NID1: variants seen among roughly 807,000 people sequenced by gnomAD.
NID1 encodes nidogen-1.
NID1 carries 76 observed loss-of-function variants against 130.6 expected under a neutral mutation model. That is an observed-to-expected ratio of 0.58 (90% CI 0.48 to 0.70). The LOEUF is 0.70. Ranked by LOEUF, NID1 falls within the 30% of genes least tolerant of loss-of-function variation. The pLI, the probability that NID1 is intolerant of heterozygous loss-of-function variation, is 0.00. For missense variants in NID1, 1,517 were observed against 1,664.8 expected, an observed-to-expected ratio of 0.91 and a Z score of 1.54; for synonymous variants, 665 against 675.1, an observed-to-expected ratio of 0.98 and a Z score of 0.23.
intron 4 of NID1, among the ~76,000 whole-genome samples, chr1:236,038,524 A>G (rs1659329791): frequency 6.6e-6 from 1 of 152,024 alleles, no homozygotes; most frequent in Admixed American, 6.6e-5. Context: ...ATTATTGAAA[A>G]CTGCTAGAAT....
intron 1 of NID1, among the ~76,000 whole-genome samples, chr1:236,056,459 G>A (rs768887594): frequency 2.3e-4 from 35 of 152,228 alleles, no homozygotes; most frequent in South Asian, 8.3e-4. Flanking sequence ...GAAATTCACC[G>A]TCTCAAACAT....
intron 7 of NID1, among the ~76,000 whole-genome samples, chr1:236,026,930 G>A (rs930406315): frequency 2.6e-5 from 4 of 151,746 alleles, no homozygotes; most frequent in Admixed American, 6.6e-5. Context: ...TAGTAGAGAC[G>A]GGGTTTCACC....
intron 1 of NID1, 135 bp downstream of exon 1, chr1:236,064,720 T>C (rs1253005612): frequency 1.4e-6 from 1 of 730,414 alleles, no homozygotes; most frequent in Non-Finnish European, 2.2e-6. Context: ...CGGGAGACCC[T>C]GCGCCGTGCC....
intron 9 of NID1, among the ~76,000 whole-genome samples, chr1:236,017,657 T>A (rs1042330557): frequency 2.6e-5 from 4 of 152,246 alleles, no homozygotes; most frequent in African/African-American, 9.6e-5. Context: ...GTGCTGGGAT[T>A]ACAGGCGTGA....
chr1:235,979,936 C>T lies in NID1; in HGVS notation c.3395G>A (p.Arg1132Gln), dbSNP rs944090942. 16 of 1,613,852 alleles carry T rather than the reference C, an allele frequency of 9.9e-6. No homozygotes were observed. The highest frequency in any genetic ancestry group is 3.3e-5 in the Admixed American group (2 of 59,996). Residue 1132 changes from arginine (R) to glutamine (Q), a missense_variant, in exon 18 of 20, where the codon CGG becomes CAG. By Grantham distance (43) the Arg-to-Gln change is conservative. Around this residue, in one of 3 missense-constraint regions of NID1, gnomAD observed 181 missense variants for 211.3 expected, o/e 0.86. Transcript: ENST00000264187. This position sits in a 1 kb window ranked among gnomAD's most constrained non-coding sequence, Gnocchi z 4.6. ...CTGACTGGGGTTCAGGCATTCCGCC[C>T]GATTGGTGCCTGTGTGGAGTGGAAA... ...QLCWVDAGTN[R>Q]AECLNPSQPS...
chr1:236,038,716 GTTATATAGGT>G (rs1558443246), intron 4 of NID1, among the ~76,000 whole-genome samples: 3,017 of 123,650 alleles, frequency 0.024, 214 homozygotes, highest in South Asian at 0.034. Context: ...TATTACCTAT[GTTATATAGGT>G]CATATATAAT....
chr1:236,021,816 C>A (rs2102823372), intron 9 of NID1, among the ~76,000 whole-genome samples: 1 of 152,326 alleles, frequency 6.6e-6, no homozygotes, highest in South Asian at 2.1e-4. Flanking sequence ...AGTGGACTGA[C>A]TTCCCCTTGG....
At chr1:235,982,653 C>T (rs773739573) in intron 15 of NID1, among the ~76,000 whole-genome samples, 2 of 152,066 alleles carry the variant, frequency 1.3e-5, no homozygotes, top group Non-Finnish European at 2.9e-5. Flanking sequence ...ACCCATCTAA[C>T]TTTACTGGAA....
chr1:236,001,106 ATTTTT>A (rs11352607), intron 12 of NID1, among the ~76,000 whole-genome samples: 1 of 135,150 alleles, frequency 7.4e-6, no homozygotes, highest in Non-Finnish European at 1.6e-5. Context: ...TGGCTTTGAG[ATTTTT>A]TTTTTTTTTT....
At chr1:236,018,368 C>A (rs532419689) in intron 9 of NID1, among the ~76,000 whole-genome samples, 1 of 152,168 alleles carries the variant, frequency 6.6e-6, no homozygotes, top group Non-Finnish European at 1.5e-5. Flanking sequence ...AGAGAAGCAC[C>A]CAACAATGTT....
At chr1:235,984,851 ATGAGGAATTTCCTCAAT>A in intron 15 of NID1, among the ~76,000 whole-genome samples, 2 of 152,254 alleles carry the variant, frequency 1.3e-5, no homozygotes, top group African/African-American at 4.8e-5. Context: ...GGCATCCTTA[ATGAGGAATTTCCTCAAT>A]TGAGGAATTG....
At chr1:236,028,352 A>AT (rs1658997339) in intron 7 of NID1, among the ~76,000 whole-genome samples, 1 of 152,190 alleles carries the variant, frequency 6.6e-6, no homozygotes, top group Non-Finnish European at 1.5e-5. Flanking sequence ...CTGTACAAAA[A>AT]TTTAAAAATT....
chr1:236,036,698 C>A (rs1659272763), intron 5 of NID1, among the ~76,000 whole-genome samples: 1 of 152,140 alleles, frequency 6.6e-6, no homozygotes, highest in Non-Finnish European at 1.5e-5. Flanking sequence ...TTAATGCAGT[C>A]ATGGATTAAT....
chr1:236,050,947 G>A (rs1425406721), intron 1 of NID1, among the ~76,000 whole-genome samples: 1 of 152,074 alleles, frequency 6.6e-6, no homozygotes, highest in East Asian at 1.9e-4. Flanking sequence ...GCTGGGCATG[G>A]TGGCAAGTGC....
chr1:235,980,384 TG>T, intron 17 of NID1, 111 bp downstream of exon 17: 1 of 1,065,306 alleles, frequency 9.4e-7, no homozygotes, highest in Non-Finnish European at 1.4e-6. Context: ...TCATAGCTTC[TG>T]GGTTATATAA....
At chr1:236,016,900 A>G (rs1032662828) in intron 10 of NID1, among the ~76,000 whole-genome samples, 15 of 152,218 alleles carry the variant, frequency 9.9e-5, no homozygotes, top group African/African-American at 3.6e-4. Context: ...AGGCAAATGT[A>G]ATGCAAAAGC....
chr1:236,025,976 A>G lies in NID1; in HGVS notation c.1904T>C (p.Val635Ala). The G allele has an allele frequency of 1.9e-6, 3 of 1,613,916 alleles. No homozygotes were observed. The highest frequency in any genetic ancestry group is 2.5e-6 in the Non-Finnish European group (3 of 1,179,988). The change falls in exon 8 of 20, where the codon GTG (valine) becomes GCG (alanine). Residue 635 changes from valine to alanine, a missense_variant. Coordinates refer to ENST00000264187, the MANE Select transcript of NID1 (RefSeq NM_002508.3). Reference sequence around the variant, plus strand: ...GTTGTACAGGACGAACACGCTGTCCACCGAGAGCTGCTGGGTGCTGGGCAG... The same window carrying G: ...GTTGTACAGGACGAACACGCTGTCCGCCGAGAGCTGCTGGGTGCTGGGCAG... ...PALPSTQQLS[V>A]DSVFVLYNQE...
intron 12 of NID1, among the ~76,000 whole-genome samples, chr1:236,005,560 C>A (rs74672521): frequency 0.018 from 2,755 of 152,184 alleles, 77 homozygotes; most frequent in African/African-American, 0.061. Flanking sequence ...CAATACTGGG[C>A]AAAAATTATG....
chr1:236,042,542 G>T (rs1312305066), intron 3 of NID1, among the ~76,000 whole-genome samples: 1 of 152,198 alleles, frequency 6.6e-6, no homozygotes, highest in Non-Finnish European at 1.5e-5. Flanking sequence ...CATTCCAGAA[G>T]TGTGCTCCAG....
Sources: gnomAD v4.1 joint callset for allele counts (sites outside exome capture counted in the v4.1 genomes callset) on GRCh38, gnomAD v4.1.1 for gene constraint, gnomAD v4.1.1 regional missense constraint, Gnocchi (gnomAD v3.1) non-coding constraint, MANE v1.5 for transcripts, NCBI Gene and HGNC (gene_info 2026-07-23, HGNC 2026-07-21) for gene names.